Variants in SLA observed in about 807,000 individuals in gnomAD.
SLA encodes the protein src-like-adapter.
SLA carries 16 observed loss-of-function variants against 30.3 expected under a neutral mutation model. The ratio of observed to expected loss-of-function variants is 0.53; its 90% CI spans 0.36 to 0.80. The LOEUF (loss-of-function observed/expected upper bound fraction) is 0.80. Ranked by LOEUF, SLA falls within the 30% of genes least tolerant of loss-of-function variation. SLA has a pLI of 0.01. For missense variants in SLA, 310 were observed against 345.2 expected (o/e 0.90, Z 0.81); for synonymous variants, 143 against 137.8 (o/e 1.04, Z -0.26).
Position 133,039,978 on chromosome 8 carries a change from C to CAT in SLA, c.617+18_617+19dup. The CAT allele has an allele frequency of 1.2e-6, 1 of 847,502 alleles. No individual in the cohort carries two copies. The highest frequency in any genetic ancestry group is 1.5e-6 in the Non-Finnish European group (1 of 665,210). The allele number at this position is 847,502 out of a possible 1,614,324, so 52.5% of individuals were successfully genotyped here. ...GCACACACACACACACACACACACA[C>CAT]ATACACACACCATACTCACCTGGAC... On this transcript the variant is annotated intron_variant, in intron 8 of 8. Coordinates refer to ENST00000338087, the MANE Select transcript of SLA (RefSeq NM_001045556.3).
At chr8:133,090,775 G>T (rs779123277) in intron 1 of SLA, among the ~76,000 whole-genome samples, 2 of 152,178 alleles carry the variant, frequency 1.3e-5, no homozygotes, top group Non-Finnish European at 2.9e-5. Context: ...AAAGACAAAG[G>T]AAATTGGCAA....
chr8:133,058,448 G>A (rs1001391082), intron 3 of SLA, among the ~76,000 whole-genome samples: 1 of 152,230 alleles, frequency 6.6e-6, no homozygotes, highest in Non-Finnish European at 1.5e-5. Context: ...AAAGTTGAAG[G>A]CAAATGAGCA....
At chr8:133,051,547 G>A (rs893793247) in intron 3 of SLA, among the ~76,000 whole-genome samples, 1 of 152,134 alleles carries the variant, frequency 6.6e-6, no homozygotes, top group Non-Finnish European at 1.5e-5. Flanking sequence ...ATTTAATAGG[G>A]ACATTTGTTG....
At chr8:133,071,969 T>C (rs1053863678) in intron 2 of SLA, among the ~76,000 whole-genome samples, 6 of 152,190 alleles carry the variant, frequency 3.9e-5, no homozygotes, top group Non-Finnish European at 1.5e-5. Flanking sequence ...AGGTATTGTA[T>C]ATAAACTGCC....
chr8:133,101,949 G>A (rs1256042973), intron 1 of SLA, among the ~76,000 whole-genome samples: 2 of 152,190 alleles, frequency 1.3e-5, no homozygotes, highest in African/African-American at 2.4e-5. Context: ...GCAATCACGA[G>A]CATCCAAGTT....
At chr8:133,095,182 A>G (rs1317108265) in intron 1 of SLA, 1 of 1,614,214 alleles carries the variant, frequency 6.2e-7, no homozygotes, top group Admixed American at 1.7e-5. Context: ...GAAGCCTGCC[A>G]ATGTCCTCAA....
At chr8:133,060,331 G>T in intron 2 of SLA, 131 bp from the exon 3 acceptor site, 1 of 1,553,710 alleles carries the variant, frequency 6.4e-7, no homozygotes, top group Non-Finnish European at 8.7e-7. Flanking sequence ...CTGTTTATAT[G>T]TGAAGATGAG....
rs1588106149 is a variant in SLA, at chr8:133,102,563, T to A, written c.-329A>T. 2 of 1,551,614 alleles carry A rather than the reference T, an allele frequency of 1.3e-6. No homozygotes were observed. The highest frequency in any genetic ancestry group is 1.2e-5 in the South Asian group (1 of 84,066). On this transcript the variant is annotated 5_prime_UTR_variant, in exon 1 of 9. It removes an upstream start codon present in the reference 5' UTR. Coordinates refer to ENST00000338087, the MANE Select transcript of SLA (RefSeq NM_001045556.3). ...AAGTTAGCAACCTACCGGTGGAGCA[T>A]CAGGGCTGCCTGAGATGTTCTCCAT...
At chr8:133,056,724 T>C (rs1841501626) in intron 3 of SLA, among the ~76,000 whole-genome samples, 1 of 152,236 alleles carries the variant, frequency 6.6e-6, no homozygotes, top group Non-Finnish European at 1.5e-5. Flanking sequence ...GCACTGTGTC[T>C]GGAGGCTGTG....
intron 1 of SLA, among the ~76,000 whole-genome samples, chr8:133,088,540 G>T (rs1005070410): frequency 2.0e-5 from 3 of 152,158 alleles, no homozygotes; most frequent in Non-Finnish European, 4.4e-5. Flanking sequence ...ACACTTAGAG[G>T]GTTGTTTTGG....
chr8:133,040,153 G>A (rs749923057), intron 7 of SLA, 23 bp from the exon 8 acceptor site: 46 of 1,573,388 alleles, frequency 2.9e-5, no homozygotes, highest in Non-Finnish European at 3.6e-5. Context: ...GCAGACAGCC[G>A]GTCAGGGACC....
chr8:133,041,669 A>G (rs1838268078), intron 7 of SLA, among the ~76,000 whole-genome samples: 1 of 152,166 alleles, frequency 6.6e-6, no homozygotes, highest in South Asian at 2.1e-4. Context: ...CAGGGTGAAA[A>G]ATACATTTTG....
intron 7 of SLA, among the ~76,000 whole-genome samples, chr8:133,040,932 G>T (rs1838100304): frequency 6.6e-6 from 1 of 152,184 alleles, no homozygotes; most frequent in Admixed American, 6.5e-5. Flanking sequence ...TCTCTTGCAT[G>T]AAAATCTCTG....
chr8:133,099,048 A>G (rs1301300575), intron 1 of SLA, among the ~76,000 whole-genome samples: 4 of 152,210 alleles, frequency 2.6e-5, no homozygotes, highest in Non-Finnish European at 4.4e-5. Flanking sequence ...TTTTAAGGAA[A>G]GCTTACTTTG....
intron 1 of SLA, among the ~76,000 whole-genome samples, chr8:133,094,411 T>C (rs1306957623): frequency 6.6e-6 from 1 of 151,918 alleles, no homozygotes; most frequent in East Asian, 1.9e-4. Flanking sequence ...TGGCTAGTTT[T>C]TTGTATTTTT....
At chr8:133,067,827 GGAGA>G (rs1187811554) in intron 2 of SLA, among the ~76,000 whole-genome samples, 1 of 146,714 alleles carries the variant, frequency 6.8e-6, no homozygotes, top group Non-Finnish European at 1.5e-5. Context: ...GAAGGAAGGG[GGAGA>G]GAGAGAGAGA....
intron 2 of SLA, among the ~76,000 whole-genome samples, chr8:133,072,550 T>C (rs1471760736): frequency 1.3e-5 from 2 of 152,220 alleles, no homozygotes; most frequent in African/African-American, 4.8e-5. Flanking sequence ...TGAAATATGC[T>C]GGAAGTTTTG....
intron 3 of SLA, among the ~76,000 whole-genome samples, chr8:133,058,689 C>A (rs972945383): frequency 2.0e-5 from 3 of 152,180 alleles, no homozygotes; most frequent in African/African-American, 7.2e-5. Context: ...CTCCTGACAG[C>A]AGCAGCAGCT....
At chr8:133,094,982 C>T in intron 1 of SLA, 1 of 1,608,522 alleles carries the variant, frequency 6.2e-7, no homozygotes, top group South Asian at 1.1e-5. Context: ...ACTGAGGACT[C>T]CAGGTGAGCA....
Sources: allele counts gnomAD v4.1 joint callset (sites outside exome capture counted in the v4.1 genomes callset), GRCh38; gene constraint gnomAD v4.1.1; transcripts MANE v1.5; gene names NCBI Gene and HGNC (gene_info 2026-07-23, HGNC 2026-07-21).